Variants in MCTP2 observed in about 807,000 individuals in gnomAD.
MCTP2 encodes the protein multiple C2 and transmembrane domain containing 2, also known as multiple C2 and transmembrane domain-containing protein 2.
Under a neutral mutation model 111.6 loss-of-function variants are expected in MCTP2, and 132 were observed. The observed-to-expected ratio is 1.18, with a 90% CI of 1.03 to 1.37. The LOEUF (loss-of-function observed/expected upper bound fraction) is 1.37, where lower values mean the gene tolerates loss of function less well. MCTP2 is among the 40% of genes most tolerant of loss of function. The pLI is 0.00. For synonymous variants in MCTP2, 395 were observed against 387.7 expected (o/e 1.02, Z -0.22); for missense variants, 1,183 against 1,067.9 (o/e 1.11, Z -1.50).
At chr15:94,249,566 A>G (rs1474102671) in intron 1 of MCTP2, among the ~76,000 whole-genome samples, 1 of 151,420 alleles carries the variant, frequency 6.6e-6, no homozygotes, top group Admixed American at 6.6e-5. Context: ...GCTCACTGCA[A>G]CCTCCGCCTC....
Position 94,297,958 on chromosome 15 carries a change from C to T in MCTP2, c.-65-243C>T, listed in dbSNP as rs116281268. Among the ~76,000 whole-genome samples, 1,009 of 151,266 alleles carry T rather than the reference C, an allele frequency of 6.7e-3. 18 individuals carry two copies. Among genetic ancestry groups the T allele is most frequent in the African/African-American group, 0.023 (964 of 41,170 alleles). On this transcript the variant is annotated intron_variant, in intron 1 of 22. Transcript: ENST00000357742. Reference sequence around the variant, plus strand: ...TTTTTTTTGGTGCCAACCTTATCATCTCATTCTTCGTTTTAATGTTTCTAC... The same window carrying T: ...TTTTTTTTGGTGCCAACCTTATCATTTCATTCTTCGTTTTAATGTTTCTAC...
chr15:94,287,176 C>T (rs977337437), intron 1 of MCTP2, among the ~76,000 whole-genome samples: 1 of 151,432 alleles, frequency 6.6e-6, no homozygotes, highest in African/African-American at 2.4e-5. Flanking sequence ...ATACATTGTT[C>T]ATTGGAGAAG....
intron 17 of MCTP2, among the ~76,000 whole-genome samples, chr15:94,411,059 C>G (rs1596623820): frequency 6.6e-6 from 1 of 152,176 alleles, no homozygotes; most frequent in African/African-American, 2.4e-5. Flanking sequence ...TGAGAAGATT[C>G]TATTTTTGAT....
intron 18 of MCTP2, among the ~76,000 whole-genome samples, chr15:94,441,145 CTG>C (rs111622213): frequency 1.3e-5 from 2 of 152,192 alleles, no homozygotes; most frequent in African/African-American, 4.8e-5. Context: ...CAAACCCTGA[CTG>C]TTTTTATTTT....
At chr15:94,254,877 T>A (rs1160304821) in intron 1 of MCTP2, among the ~76,000 whole-genome samples, 1 of 152,206 alleles carries the variant, frequency 6.6e-6, no homozygotes. Context: ...AACTGTCAAT[T>A]TGCTTAGAAT....
At chr15:94,446,856 T>C (rs2084148200) in intron 19 of MCTP2, among the ~76,000 whole-genome samples, 1 of 152,208 alleles carries the variant, frequency 6.6e-6, no homozygotes. Flanking sequence ...CCTGACAGTG[T>C]TTATGAAAAA....
At chr15:94,454,384 C>G (rs1422500421) in intron 19 of MCTP2, among the ~76,000 whole-genome samples, 1 of 152,062 alleles carries the variant, frequency 6.6e-6, no homozygotes, top group Non-Finnish European at 1.5e-5. Flanking sequence ...AATGTTCCAC[C>G]ACTTGCAAAG....
chr15:94,462,683 C>T lies in MCTP2; in HGVS notation c.2360+4437C>T, dbSNP rs566224025. 5.9e-5 allele frequency among the ~76,000 whole-genome samples: 9 copies of T among 152,264 alleles called. No homozygotes were observed. In the South Asian group the frequency reaches 1.2e-3, roughly 21 times the overall value. On this transcript the variant is annotated intron_variant, in intron 20 of 22. Transcript: ENST00000357742. ...GCGCCTACTACAGAAGCAATGAAGACGGGATCGTAACCAATTTTCTGAGTT... is the reference window on the plus strand; with the variant it reads ...GCGCCTACTACAGAAGCAATGAAGATGGGATCGTAACCAATTTTCTGAGTT...
chr15:94,281,035 A>G (rs1226361490), intron 1 of MCTP2, among the ~76,000 whole-genome samples: 1 of 152,100 alleles, frequency 6.6e-6, no homozygotes, highest in Non-Finnish European at 1.5e-5. Context: ...ATGAGAATGT[A>G]TATTCTGTTA....
intron 1 of MCTP2, among the ~76,000 whole-genome samples, chr15:94,264,335 G>A (rs144997703): frequency 0.013 from 1,934 of 152,230 alleles, 44 homozygotes; most frequent in African/African-American, 0.044. Flanking sequence ...GAGGCTGGGC[G>A]CGGTGGCTCA....
chr15:94,385,230 G>A (rs1032989529), intron 13 of MCTP2, among the ~76,000 whole-genome samples, 193 bp from the exon 14 acceptor site: 1 of 151,980 alleles, frequency 6.6e-6, no homozygotes, highest in African/African-American at 2.4e-5. Context: ...TTTTTCATAT[G>A]GATGTCTGAA....
chr15:94,298,711 A>G lies in MCTP2; in HGVS notation c.446A>G (p.Asp149Gly), dbSNP rs2075392026. The change falls in exon 2 of 23, where the codon GAT (aspartate) becomes GGT (glycine). Residue 149 changes from aspartate (D) to glycine (G), a missense_variant. Physicochemically the swap from Asp to Gly is moderately conservative, Grantham distance 94 (BLOSUM62 -1). Transcript: ENST00000357742. ...FDLQKTSLGG[D>G]APEEPEKLCG... ...CTTCAGAAAACTTCCCTTGGAGGGG[A>G]TGCACCAGAAGAGCCAGAGGTGAGA... 1 of 1,608,412 alleles carries G rather than the reference A, an allele frequency of 6.2e-7. No homozygotes were observed. Among genetic ancestry groups the G allele is most frequent in the South Asian group, 1.1e-5 (1 of 90,606 alleles).
chr15:94,300,272 C>A (rs940823199), intron 2 of MCTP2, among the ~76,000 whole-genome samples: 3 of 151,932 alleles, frequency 2.0e-5, no homozygotes, highest in South Asian at 2.1e-4. Flanking sequence ...CTTTGGGAGA[C>A]CGAGGTGGGT....
intron 3 of MCTP2, 86 bp from the exon 4 acceptor site, chr15:94,315,443 T>A: frequency 1.1e-6 from 1 of 949,146 alleles, no homozygotes; most frequent in Non-Finnish European, 1.6e-6. Context: ...CCTTTCTTTT[T>A]TCCCTCCAAA....
At chr15:94,382,904 C>T (rs1224318640) in intron 12 of MCTP2, among the ~76,000 whole-genome samples, 2 of 152,246 alleles carry the variant, frequency 1.3e-5, no homozygotes, top group East Asian at 1.9e-4. Context: ...CAGATCCTTC[C>T]GCCAAACACA....
In MCTP2 at chr15:94,479,159, T is replaced by A; in HGVS notation, c.*125T>A. On this transcript the variant is annotated 3_prime_UTR_variant, in exon 23 of 23. Transcript: ENST00000357742. ...TGCATGCCCTGTGGCACCCTCTGTA[T>A]ACTTCCTCCTCCTTCACGTGCACAG... 2.3e-6 allele frequency: 2 copies of A among 856,030 alleles called. No individual in the cohort carries two copies. The highest frequency in any genetic ancestry group is 2.9e-5 in the South Asian group (2 of 70,008). 53.0% of individuals were successfully genotyped at this position (856,030 alleles called of 1,614,324 possible). A position where few individuals can be genotyped will look rare whatever the true frequency, so the allele number is the denominator to read the frequency against.
intron 19 of MCTP2, among the ~76,000 whole-genome samples, chr15:94,443,648 C>T (rs1424419110): frequency 6.6e-6 from 1 of 151,960 alleles, no homozygotes; most frequent in Non-Finnish European, 1.5e-5. Flanking sequence ...GTGTAAATGC[C>T]CATTGAATAG....
intron 10 of MCTP2, 147 bp downstream of exon 10, chr15:94,358,759 C>G (rs1234139022): frequency 3.4e-6 from 3 of 876,296 alleles, no homozygotes; most frequent in Non-Finnish European, 5.1e-6. Context: ...CCAGTCCTAA[C>G]TGGGGGAAAG....
At chr15:94,386,590 G>A (rs549991660) in intron 14 of MCTP2, among the ~76,000 whole-genome samples, 4 of 152,260 alleles carry the variant, frequency 2.6e-5, no homozygotes, top group Admixed American at 6.5e-5. Flanking sequence ...TGAGCCATCG[G>A]CACCAGCCGA....
Sources: allele counts gnomAD v4.1 joint callset (sites outside exome capture counted in the v4.1 genomes callset), GRCh38; gene constraint gnomAD v4.1.1; transcripts MANE v1.5; gene names NCBI Gene and HGNC (gene_info 2026-07-23, HGNC 2026-07-21).